Variants in RIMS2 observed in about 807,000 individuals in gnomAD.
RIMS2 encodes regulating synaptic membrane exocytosis protein 2.
A neutral mutation model predicts 174.4 loss-of-function variants in RIMS2; 59 were observed. The ratio of observed to expected loss-of-function variants is 0.34; its 90% CI spans 0.27 to 0.42. The LOEUF is 0.42. Ranked by LOEUF, RIMS2 falls within the 10% of genes least tolerant of loss-of-function variation. The probability of loss-of-function intolerance (pLI) is 1.00; values close to 1 mark genes in which losing one functional copy is unlikely to be tolerated. For missense variants in RIMS2, 1,620 were observed against 1,666.3 expected (o/e 0.97, Z 0.48); for synonymous variants, 606 against 572.5 (o/e 1.06, Z -0.84).
intron 1 of RIMS2, among the ~76,000 whole-genome samples, chr8:103,611,752 GT>G (rs1322157860): frequency 6.6e-6 from 1 of 151,326 alleles, no homozygotes; most frequent in Non-Finnish European, 1.5e-5. Flanking sequence ...CCTTGACATC[GT>G]CTTCTTTGGG....
chr8:104,109,296 C>CAAAAAA (rs1170353786), intron 19 of RIMS2, among the ~76,000 whole-genome samples: 1 of 50,214 alleles, frequency 2.0e-5, no homozygotes, highest in Non-Finnish European at 4.1e-5. Context: ...GACTCTGTCT[C>CAAAAAA]AAAAAAAAAA....
At chr8:103,857,651 A>G (rs1330540687) in intron 3 of RIMS2, among the ~76,000 whole-genome samples, 1 of 152,196 alleles carries the variant, frequency 6.6e-6, no homozygotes, top group Non-Finnish European at 1.5e-5. Flanking sequence ...TTTTAAGTTT[A>G]TCATACAATT....
intron 15 of RIMS2, among the ~76,000 whole-genome samples, chr8:103,966,889 T>C (rs1343088824): frequency 1.3e-5 from 2 of 151,980 alleles, no homozygotes; most frequent in South Asian, 2.1e-4. Context: ...TTTAGAAATA[T>C]ATTATTGGGT....
At chr8:103,749,110 A>ATTT (rs11391244) in intron 2 of RIMS2, among the ~76,000 whole-genome samples, 2 of 138,130 alleles carry the variant, frequency 1.4e-5, no homozygotes, top group Admixed American at 1.4e-4. Flanking sequence ...TATGCTTTCT[A>ATTT]TTTTTTTTTT....
At chr8:104,109,115 G>A (rs2098129882) in intron 19 of RIMS2, among the ~76,000 whole-genome samples, 1 of 151,746 alleles carries the variant, frequency 6.6e-6, no homozygotes, top group South Asian at 2.1e-4. Context: ...GGCTAACATG[G>A]TGAAACCCTG....
intron 1 of RIMS2, among the ~76,000 whole-genome samples, chr8:103,618,573 C>A (rs1480594301): frequency 2.6e-5 from 4 of 152,042 alleles, no homozygotes; most frequent in African/African-American, 9.7e-5. Flanking sequence ...TGTGTGAGAC[C>A]ATTTTCAAGG....
intron 19 of RIMS2, among the ~76,000 whole-genome samples, chr8:104,147,342 C>T (rs758687330): frequency 1.3e-5 from 2 of 151,848 alleles, no homozygotes; most frequent in Non-Finnish European, 1.5e-5. Context: ...TAATAGTATA[C>T]TTCACTATAT....
At chr8:104,031,637 A>G (rs2096395271) in intron 19 of RIMS2, among the ~76,000 whole-genome samples, 1 of 152,162 alleles carries the variant, frequency 6.6e-6, no homozygotes, top group Non-Finnish European at 1.5e-5. Flanking sequence ...ATATTATCTA[A>G]TGTTTCTGAT....
intron 2 of RIMS2, among the ~76,000 whole-genome samples, chr8:103,714,773 A>G (rs1172734352): frequency 6.6e-6 from 1 of 152,122 alleles, no homozygotes; most frequent in African/African-American, 2.4e-5. Context: ...GTAATACTTA[A>G]AGTAAATTGA....
chr8:103,983,694 T>G (rs1055986293), intron 16 of RIMS2, among the ~76,000 whole-genome samples: 1 of 152,168 alleles, frequency 6.6e-6, no homozygotes, highest in Non-Finnish European at 1.5e-5. Context: ...TGGATATCTA[T>G]ATGAATAATA....
At chr8:103,568,804 G>GTGCAATTGTGCAATA in intron 1 of RIMS2, 1 of 1,142,018 alleles carries the variant, frequency 8.8e-7, no homozygotes, top group East Asian at 2.7e-5. Flanking sequence ...TGTGCAATCA[G>GTGCAATTGTGCAATA]TGCTATAAGA....
intron 2 of RIMS2, among the ~76,000 whole-genome samples, chr8:103,734,614 G>A (rs2097660781): frequency 6.6e-6 from 1 of 151,810 alleles, no homozygotes; most frequent in Non-Finnish European, 1.5e-5. Context: ...CAATTCCGCT[G>A]CCTTGGCAAC....
At chr8:104,146,306 G>C (rs2098639502) in intron 19 of RIMS2, among the ~76,000 whole-genome samples, 1 of 151,728 alleles carries the variant, frequency 6.6e-6, no homozygotes, top group South Asian at 2.1e-4. Flanking sequence ...TTGAGCCCAG[G>C]GGTTCGAGGT....
intron 8 of RIMS2, among the ~76,000 whole-genome samples, chr8:103,917,852 A>C (rs1337688091): frequency 6.6e-6 from 1 of 152,126 alleles, no homozygotes; most frequent in Non-Finnish European, 1.5e-5. Context: ...TCTCTGCTAA[A>C]AATACAAAAA....
intron 1 of RIMS2, among the ~76,000 whole-genome samples, chr8:103,504,207 A>T (rs1822133047): frequency 6.6e-6 from 1 of 152,054 alleles, no homozygotes; most frequent in Non-Finnish European, 1.5e-5. Context: ...CTGAATGATT[A>T]ATGTTTTTAA....
At chr8:104,116,851 G>A (rs2098285405) in intron 19 of RIMS2, among the ~76,000 whole-genome samples, 1 of 152,010 alleles carries the variant, frequency 6.6e-6, no homozygotes, top group Admixed American at 6.6e-5. Flanking sequence ...TTACTTCTCA[G>A]ATTTGTTTTT....
At chr8:103,585,787 T>A (rs906391664) in intron 1 of RIMS2, among the ~76,000 whole-genome samples, 1 of 151,764 alleles carries the variant, frequency 6.6e-6, no homozygotes, top group Admixed American at 6.6e-5. Context: ...ATGCGGGGCT[T>A]AAAAACTGGA....
intron 19 of RIMS2, among the ~76,000 whole-genome samples, chr8:104,132,171 A>G (rs1199349619): frequency 3.3e-5 from 5 of 152,258 alleles, no homozygotes; most frequent in Admixed American, 1.3e-4. Context: ...AATGCATTTT[A>G]GAGTATTTGT....
At chr8:103,894,804 A>G (rs1163270934) in intron 4 of RIMS2, among the ~76,000 whole-genome samples, 1 of 151,584 alleles carries the variant, frequency 6.6e-6, no homozygotes. Context: ...GACCTACATA[A>G]TAGCTTCAAT....
Sources: gnomAD v4.1 joint callset for allele counts (sites outside exome capture counted in the v4.1 genomes callset) on GRCh38, gnomAD v4.1.1 for gene constraint, MANE v1.5 for transcripts, NCBI Gene and HGNC (gene_info 2026-07-23, HGNC 2026-07-21) for gene names.